Variants in CALN1 observed in about 807,000 individuals in gnomAD.
CALN1 encodes the protein calcium-binding protein 8.
In CALN1, 17 loss-of-function variants were observed where a neutral mutation model predicts 30.6. The ratio of observed to expected loss-of-function variants is 0.56; its 90% CI spans 0.38 to 0.83. CALN1 has a LOEUF of 0.83. Among genes scored for constraint, CALN1 ranks in the 40% least tolerant of loss-of-function variants. The pLI, the probability that CALN1 is intolerant of heterozygous loss-of-function variation, is 0.00. For synonymous variants in CALN1, 156 were observed against 131.4 expected (o/e 1.19, Z -1.28); for missense variants, 291 against 354.9 (o/e 0.82, Z 1.45).
intron 1 of CALN1, among the ~76,000 whole-genome samples, chr7:72,407,910 C>T (rs1162354163): frequency 6.6e-6 from 1 of 152,034 alleles, no homozygotes; most frequent in African/African-American, 2.4e-5. Context: ...CACACGGAAC[C>T]GGGGAAGATT....
At chr7:72,496,745 A>C in the CALN1 span, among the ~76,000 whole-genome samples, 1 of 152,188 alleles carries the variant, frequency 6.6e-6, no homozygotes, top group Non-Finnish European at 1.5e-5. Context: ...GGTGGTGTGC[A>C]CCTGTAGTCC....
chr7:72,170,745 CAG>C (rs1204963275), intron 3 of CALN1, among the ~76,000 whole-genome samples: 1 of 152,134 alleles, frequency 6.6e-6, no homozygotes, highest in East Asian at 1.9e-4. Flanking sequence ...CAAAGTCATT[CAG>C]AGAGAGAGAC....
chr7:72,423,124 A>C (rs1162474140), intron 1 of CALN1, among the ~76,000 whole-genome samples: 1 of 151,710 alleles, frequency 6.6e-6, no homozygotes, highest in Non-Finnish European at 1.5e-5. Flanking sequence ...AAAAAAAAAG[A>C]AAAAGAAAAT....
chr7:72,336,792 C>CG (rs2129558537), intron 2 of CALN1: 1 of 985,096 alleles, frequency 1.0e-6, no homozygotes, highest in Non-Finnish European at 1.2e-6. Context: ...AGGGAGGGGG[C>CG]GGTGCGGAAT....
At chr7:72,425,531 C>T (rs1015081767) in intron 1 of CALN1, among the ~76,000 whole-genome samples, 3 of 152,212 alleles carry the variant, frequency 2.0e-5, no homozygotes, top group Admixed American at 1.3e-4. Context: ...AGTCCATCCA[C>T]GACTGTGAAT....
chr7:72,308,372 G>GGAGAGA (rs150660773), intron 2 of CALN1, among the ~76,000 whole-genome samples: 12 of 92,652 alleles, frequency 1.3e-4, no homozygotes, highest in Non-Finnish European at 1.8e-4. Context: ...TGTGGGGGGG[G>GGAGAGA]GAGAGAGAGA....
intron 3 of CALN1, among the ~76,000 whole-genome samples, chr7:72,164,623 A>G (rs1788387329): frequency 6.6e-6 from 1 of 152,192 alleles, no homozygotes; most frequent in African/African-American, 2.4e-5. Flanking sequence ...CACTCAGTTC[A>G]TAGTACACTT....
intron 5 of CALN1, among the ~76,000 whole-genome samples, chr7:71,912,377 G>T (rs944765830): frequency 6.6e-6 from 1 of 152,174 alleles, no homozygotes; most frequent in African/African-American, 2.4e-5. Context: ...GGAAGGTGTA[G>T]TTGCTCTAGG....
At chr7:72,132,287 C>A (rs994901344) in intron 3 of CALN1, among the ~76,000 whole-genome samples, 1 of 152,146 alleles carries the variant, frequency 6.6e-6, no homozygotes, top group African/African-American at 2.4e-5. Flanking sequence ...TTGGGCAAAA[C>A]CATCTAACAT....
chr7:72,352,996 A>T (rs1309210468), intron 2 of CALN1, among the ~76,000 whole-genome samples: 1 of 152,210 alleles, frequency 6.6e-6, no homozygotes, highest in African/African-American at 2.4e-5. Context: ...TAAACAAAAG[A>T]GAAAAATTCT....
intron 2 of CALN1, among the ~76,000 whole-genome samples, chr7:72,391,005 G>A (rs184039461): frequency 2.4e-4 from 37 of 152,214 alleles, no homozygotes; most frequent in Admixed American, 1.6e-3. Context: ...AGATTTCTTT[G>A]TACATTGTAA....
At chr7:71,856,216 AATATAC>A (rs201380706) in intron 5 of CALN1, among the ~76,000 whole-genome samples, 10 of 151,564 alleles carry the variant, frequency 6.6e-5, no homozygotes, top group African/African-American at 1.9e-4. Context: ...TATATTTATA[AATATAC>A]ATATACATAT....
chr7:72,061,325 T>C (rs535108219), intron 4 of CALN1, among the ~76,000 whole-genome samples: 20 of 152,192 alleles, frequency 1.3e-4, no homozygotes, highest in Non-Finnish European at 1.8e-4. Context: ...GTTGGAATTA[T>C]CTGAAAAAGA....
intron 1 of CALN1, among the ~76,000 whole-genome samples, chr7:72,441,960 C>T (rs1203115240): frequency 2.0e-5 from 3 of 152,066 alleles, no homozygotes; most frequent in Non-Finnish European, 4.4e-5. Flanking sequence ...TCCAATTTAA[C>T]ATGAGAAACA....
chr7:72,299,517 C>G (rs902805898), intron 2 of CALN1, among the ~76,000 whole-genome samples: 1 of 151,582 alleles, frequency 6.6e-6, no homozygotes, highest in African/African-American at 2.4e-5. Context: ...ATACAAACTT[C>G]TAAACATTAT....
At chr7:71,869,501 C>G (rs955551888) in intron 5 of CALN1, among the ~76,000 whole-genome samples, 1 of 152,070 alleles carries the variant, frequency 6.6e-6, no homozygotes, top group Non-Finnish European at 1.5e-5. Context: ...CTTGAGCCAC[C>G]GTGCCTGGCC....
At chr7:71,855,075 G>A (rs1584378579) in intron 5 of CALN1, among the ~76,000 whole-genome samples, 1 of 152,176 alleles carries the variant, frequency 6.6e-6, no homozygotes, top group Non-Finnish European at 1.5e-5. Context: ...TACTAACTGT[G>A]AACACAGCTT....
rs144488981 is a variant in CALN1, at chr7:71,795,286, C to T, written c.659-7384G>A. Among the ~76,000 whole-genome samples, 262 of 152,290 alleles carry T rather than the reference C, an allele frequency of 1.7e-3. 1 individual carries two copies. Among genetic ancestry groups the T allele is most frequent in the African/African-American group, 5.6e-3 (231 of 41,578 alleles). On this transcript the variant is annotated intron_variant, in intron 6 of 6. Coordinates refer to ENST00000395275, the MANE Select transcript of CALN1 (RefSeq NM_031468.4). ...CCATCCGCCTCGGCCTCCCAAAGTG[C>T]TGGGATTATAGACATGAGCCACTGT...
At chr7:72,052,626 G>A (rs114753652) in intron 4 of CALN1, among the ~76,000 whole-genome samples, 269 of 152,286 alleles carry the variant, frequency 1.8e-3, no homozygotes, top group African/African-American at 6.0e-3. Context: ...GAAAACCACC[G>A]GGCTTCCCCT....
Sources: allele counts gnomAD v4.1 joint callset (sites outside exome capture counted in the v4.1 genomes callset), GRCh38; gene constraint gnomAD v4.1.1; transcripts MANE v1.5; gene names NCBI Gene and HGNC (gene_info 2026-07-23, HGNC 2026-07-21).